The following ESRRB variants were observed in gnomAD, a reference collection of about 807,000 sequenced individuals.
ESRRB encodes steroid hormone receptor ERR2.
In ESRRB, 16 loss-of-function variants were observed where a neutral mutation model predicts 46.0. The ratio of observed to expected loss-of-function variants is 0.35; its 90% CI spans 0.24 to 0.53. The LOEUF (loss-of-function observed/expected upper bound fraction) is 0.53, where lower values mean the gene tolerates loss of function less well. Among genes scored for constraint, ESRRB ranks in the 20% least tolerant of loss-of-function variants. ESRRB has a pLI of 0.93. For missense variants in ESRRB, 488 were observed against 607.4 expected, an observed-to-expected ratio of 0.80 and a Z score of 2.07; for synonymous variants, 246 against 259.6, an observed-to-expected ratio of 0.95 and a Z score of 0.50.
At chr14:76,447,324 T>C (rs1888196444) in intron 2 of ESRRB, among the ~76,000 whole-genome samples, 1 of 149,468 alleles carries the variant, frequency 6.7e-6, no homozygotes, top group African/African-American at 2.5e-5. Flanking sequence ...TTCAACTATC[T>C]CTAGTATCTC....
At chr14:76,361,892 G>A (rs116547713) in intron 1 of ESRRB, among the ~76,000 whole-genome samples, 70 of 152,314 alleles carry the variant, frequency 4.6e-4, no homozygotes, top group Middle Eastern at 3.4e-3. Flanking sequence ...GGGAAGATAT[G>A]TTTGGTCCTC....
intron 1 of ESRRB, among the ~76,000 whole-genome samples, chr14:76,349,115 G>T (rs113462353): frequency 0.019 from 2,885 of 152,282 alleles, 98 homozygotes; most frequent in African/African-American, 0.066. Context: ...GACCAGGGGG[G>T]TCACAGAGCC....
chr14:76,397,273 AG>A (rs986889851), intron 1 of ESRRB, among the ~76,000 whole-genome samples: 1 of 152,108 alleles, frequency 6.6e-6, no homozygotes, highest in Admixed American at 6.5e-5. Flanking sequence ...ATGCCTCAGG[AG>A]GGGGCTTGTA....
upstream of ESRRB, among the ~76,000 whole-genome samples, chr14:76,369,671 C>CA (rs1884574646): frequency 6.6e-6 from 1 of 151,956 alleles, no homozygotes; most frequent in African/African-American, 2.4e-5. Context: ...CATTTTATTC[C>CA]AAAAAATAAT....
intron 1 of ESRRB, among the ~76,000 whole-genome samples, chr14:76,318,231 AAAAGTC>A (rs1883825020): frequency 6.6e-6 from 1 of 152,138 alleles, no homozygotes; most frequent in Non-Finnish European, 1.5e-5. Flanking sequence ...CAGGTTTGCT[AAAAGTC>A]CTTTAGCAGA....
At chr14:76,430,741 C>T (rs1037171534) in intron 1 of ESRRB, among the ~76,000 whole-genome samples, 1 of 152,200 alleles carries the variant, frequency 6.6e-6, no homozygotes, top group Non-Finnish European at 1.5e-5. Flanking sequence ...AGAACTGGCA[C>T]GTCTGCTACC....
chr14:76,335,038 A>G lies in ESRRB; in HGVS notation c.2+24122A>G, dbSNP rs139185065. Among the ~76,000 whole-genome samples the G allele has an allele frequency of 2.7e-3, 416 of 152,144 alleles. 3 individuals carry two copies. Among genetic ancestry groups the G allele is most frequent in the African/African-American group, 9.5e-3 (396 of 41,486 alleles). On this transcript the variant is annotated intron_variant, in intron 1 of 6. Coordinates refer to the ESRRB transcript ENST00000512784. ...TCTGGGCCGGCCTCACCTTGGTAGT[A>G]CCTGGTGATTGGCCAGCCCCTCTCT...
intron 2 of ESRRB, among the ~76,000 whole-genome samples, chr14:76,446,547 T>A (rs1888157074): frequency 6.6e-6 from 1 of 151,856 alleles, no homozygotes; most frequent in Admixed American, 6.6e-5. Flanking sequence ...GAAAAAAAAA[T>A]GCCAATTAAC....
chr14:76,459,254 C>T (rs1011988009), intron 2 of ESRRB, among the ~76,000 whole-genome samples: 1 of 152,038 alleles, frequency 6.6e-6, no homozygotes. Flanking sequence ...AAGCATTCGC[C>T]AGTGTGAGCT....
intron 1 of ESRRB, among the ~76,000 whole-genome samples, chr14:76,342,543 G>A (rs1362507982): frequency 1.3e-5 from 2 of 152,302 alleles, no homozygotes; most frequent in East Asian, 3.9e-4. Context: ...ATCTCCACTC[G>A]TTCAGGTGAG....
At chr14:76,349,546 C>G (rs58394842) in intron 1 of ESRRB, among the ~76,000 whole-genome samples, 5,443 of 152,234 alleles carry the variant, frequency 0.036, 141 homozygotes, top group East Asian at 0.12. Context: ...CTGGCACATC[C>G]TAGGCACTTA....
chr14:76,489,445 CCACACACA>C (rs56091857), intron 5 of ESRRB, among the ~76,000 whole-genome samples: 3 of 129,598 alleles, frequency 2.3e-5, no homozygotes, highest in Admixed American at 7.8e-5. Flanking sequence ...ATCTGGACAA[CCACACACA>C]CACACACACA....
intron 1 of ESRRB, among the ~76,000 whole-genome samples, chr14:76,361,296 A>G (rs1884460936): frequency 1.3e-5 from 2 of 152,094 alleles, no homozygotes; most frequent in African/African-American, 4.8e-5. Flanking sequence ...GATGTCCCTT[A>G]TGATGGGAGG....
chr14:76,319,878 G>A (rs1053091015), intron 1 of ESRRB, among the ~76,000 whole-genome samples: 3 of 152,002 alleles, frequency 2.0e-5, no homozygotes, highest in African/African-American at 7.2e-5. Flanking sequence ...TAAGGGAAGG[G>A]AGTTAAGAAA....
intron 1 of ESRRB, among the ~76,000 whole-genome samples, chr14:76,351,241 C>A (rs927429269): frequency 3.3e-5 from 5 of 152,208 alleles, no homozygotes; most frequent in South Asian, 2.1e-4. Context: ...AAGTACCACA[C>A]ACTGAGTGGC....
chr14:76,398,238 CAT>C (rs1459596488), intron 1 of ESRRB, among the ~76,000 whole-genome samples: 7 of 152,212 alleles, frequency 4.6e-5, no homozygotes, highest in Admixed American at 4.6e-4. Context: ...GCATTTTCCT[CAT>C]ATTCCAGATG....
intron 2 of ESRRB, among the ~76,000 whole-genome samples, chr14:76,452,023 C>T (rs1888403326): frequency 6.6e-6 from 1 of 151,748 alleles, no homozygotes; most frequent in African/African-American, 2.4e-5. Context: ...TGGGTCACTG[C>T]AACCTCCGCC....
intron 1 of ESRRB, among the ~76,000 whole-genome samples, chr14:76,330,592 T>A (rs148311524): frequency 1.3e-5 from 2 of 152,128 alleles, no homozygotes; most frequent in Non-Finnish European, 2.9e-5. Context: ...GCAGCTGGTG[T>A]GCAAGTAGAC....
chr14:76,367,257 GA>G (rs370642381), upstream of ESRRB, among the ~76,000 whole-genome samples: 997 of 149,094 alleles, frequency 6.7e-3, 10 homozygotes, highest in African/African-American at 0.023. Context: ...AGCTTATAAA[GA>G]AAAAAAAAAT....
Sources: allele counts gnomAD v4.1 joint callset (sites outside exome capture counted in the v4.1 genomes callset), GRCh38; gene constraint gnomAD v4.1.1; transcripts MANE v1.5; gene names NCBI Gene and HGNC (gene_info 2026-07-23, HGNC 2026-07-21).